TMEM223: variants seen among roughly 807,000 people sequenced by gnomAD.
TMEM223 encodes transmembrane protein 223.
A neutral mutation model predicts 14.1 loss-of-function variants in TMEM223; 14 were observed. That is an observed-to-expected ratio of 0.99 (90% CI 0.66 to 1.55). The LOEUF (loss-of-function observed/expected upper bound fraction) is 1.55. Ranked by LOEUF, TMEM223 falls within the 40% of genes most tolerant of loss-of-function variation. TMEM223 has a pLI of 0.00. For missense variants in TMEM223, 346 were observed against 269.9 expected (o/e 1.28, Z -1.97); for synonymous variants, 145 against 120.5 (o/e 1.20, Z -1.33).
In TMEM223 at chr11:62,790,482, C is replaced by T; in HGVS notation, c.*141G>A. The stretch of plus-strand genomic sequence containing the variant: ...ATAGAGACAAGGTCTCGCTATGTTG[C>T]CCAGCCTGGGCTCGAGCAGTGCTCC... On this transcript the variant is annotated 3_prime_UTR_variant, in exon 2 of 2. Coordinates refer to ENST00000307366, the MANE Select transcript of TMEM223 (RefSeq NM_001080501.3). The T allele has an allele frequency of 1.4e-6, 1 of 735,486 alleles. No homozygotes were observed. Among genetic ancestry groups the T allele is most frequent in the Non-Finnish European group, 2.1e-6 (1 of 473,450 alleles). The allele number at this position is 735,486 out of a possible 1,614,324, so 45.6% of individuals were successfully genotyped here.
downstream of TMEM223, chr11:62,787,312 G>C (rs545500275): frequency 1.0e-5 from 16 of 1,528,734 alleles, no homozygotes; most frequent in African/African-American, 4.2e-5. Context: ...TGGCCCCTTC[G>C]TTCCTTGTAA....
At chr11:62,782,812 C>G, downstream of TMEM223, 1 of 1,614,052 alleles carries the variant, frequency 6.2e-7, no homozygotes, top group South Asian at 1.1e-5. Context: ...GGGCTGCATG[C>G]TCTTGGCTGG....
chr11:62,790,900 C>T lies in TMEM223; in HGVS notation c.332G>A (p.Gly111Asp), dbSNP rs1161405335. 1 of 1,587,806 alleles carries T rather than the reference C, an allele frequency of 6.3e-7. No individual in the cohort carries two copies. Among genetic ancestry groups the T allele is most frequent in the Non-Finnish European group, 8.6e-7 (1 of 1,163,454 alleles). The change falls in exon 2 of 2, where the codon GGT becomes GAT. Residue 111 changes from glycine to aspartate, a missense_variant. Transcript: ENST00000307366. ...CCGGAGAGAGAAGAGAAGACCAGCA[C>T]CGAGTACGAGGGCTCCTGCAGGCAG... ...GCGAIGALVL[G>D]AGLLFSLRSV...
rs777207617 is a variant in TMEM223, at chr11:62,791,808, C to T, written c.187G>A (p.Ala63Thr). 5 of 1,580,996 alleles carry T rather than the reference C, an allele frequency of 3.2e-6. No individual in the cohort carries two copies. The South Asian group carries it at 4.6e-5, about 15-fold the overall frequency. The change falls in exon 1 of 2, where the codon GCT becomes ACT. Residue 63 changes from alanine to threonine, a missense_variant. Ala to Thr is a moderately conservative substitution (Grantham distance 58, BLOSUM62 0). Transcript: ENST00000307366. ...AGQGVFWASM[A>T]VAAVSRPPVP... ...GGGGGCCGGGACACGGCTGCCACAG[C>T]CATGGAAGCCCAGAAGACGCCCTGG...
chr11:62,790,081 T>C lies in TMEM223; in HGVS notation c.*542A>G. 1.3e-6 allele frequency: 2 copies of C among 1,557,600 alleles called. No individual in the cohort carries two copies. The highest frequency in any genetic ancestry group is 1.7e-6 in the Non-Finnish European group (2 of 1,151,044). ...CGGAGTGCTTCCTGCAGCCGAAGAC[T>C]CCATGCCCAAGTGCCTGTAATCCCC... On this transcript the variant is annotated 3_prime_UTR_variant, in exon 2 of 2. Coordinates refer to ENST00000307366, the MANE Select transcript of TMEM223 (RefSeq NM_001080501.3).
Position 62,791,975 on chromosome 11 carries a change from C to T in TMEM223, c.20G>A (p.Arg7Gln), listed in dbSNP as rs532145780. The change falls in exon 1 of 2, where the codon CGA becomes CAA. Residue 7 changes from arginine to glutamine, a missense_variant. By Grantham distance (43) the Arg-to-Gln change is conservative. Transcript: ENST00000307366. MAAPWR[R>Q]WPTGLLAVLR... The stretch of plus-strand genomic sequence containing the variant: ...CACGGCTAGCAGCCCCGTGGGCCAT[C>T]GCCTCCAAGGCGCCGCCATGGCCAG... 3 of 1,555,902 alleles carry T rather than the reference C, an allele frequency of 1.9e-6. No homozygotes were observed. Among genetic ancestry groups the T allele is most frequent in the South Asian group, 1.2e-5 (1 of 85,560 alleles).
In TMEM223 at chr11:62,791,720, G is replaced by A. The variant is rs1362080156; in HGVS notation, c.275C>T (p.Ala92Val). Residue 92 changes from alanine (A) to valine (V), a missense_variant, in exon 1 of 2, where the codon GCG (alanine) becomes GTG (valine). Coordinates refer to ENST00000307366, the MANE Select transcript of TMEM223 (RefSeq NM_001080501.3). ...GACGGCCAGACCGTAGCGCCAGAGC[G>A]CGGAGCGCAGGTCGAAGGGGCCACG... Reference protein sequence around the residue: ...PNRGPFDLRSALWRYGLAVGC... With the variant: ...PNRGPFDLRSVLWRYGLAVGC... 1 of 1,552,488 alleles carries A rather than the reference G, an allele frequency of 6.4e-7. No individual in the cohort carries two copies. The highest frequency in any genetic ancestry group is 8.7e-7 in the Non-Finnish European group (1 of 1,147,992).
downstream of TMEM223, chr11:62,771,530 C>A: frequency 6.3e-6 from 1 of 158,988 alleles, no homozygotes; most frequent in South Asian, 1.5e-4. Flanking sequence ...TCCCCATTCC[C>A]GACGCCGACT....
intron 1 of TMEM223, chr11:62,775,561 C>G: frequency 1.9e-6 from 1 of 534,272 alleles, no homozygotes; most frequent in South Asian, 2.5e-5. Context: ...AACCCCAACA[C>G]TTTGGACTTT....
chr11:62,779,968 ATATATATAT>A (rs1254446146), intron 1 of TMEM223, among the ~76,000 whole-genome samples: 7 of 66,640 alleles, frequency 1.1e-4, no homozygotes, highest in African/African-American at 3.1e-4. Flanking sequence ...ATATATATAT[ATATATATAT>A]TTTTTTTTTT....
chr11:62,776,324 G>A, intron 1 of TMEM223: 1 of 1,564,590 alleles, frequency 6.4e-7, no homozygotes, highest in Admixed American at 1.7e-5. Flanking sequence ...CTTCATTTGG[G>A]GTTTCCCATG....
At chr11:62,776,044 G>A (rs1046454281) in intron 1 of TMEM223, 2 of 1,327,478 alleles carry the variant, frequency 1.5e-6, no homozygotes, top group African/African-American at 3.0e-5. Flanking sequence ...CCATACAACA[G>A]AGACAGTCCA....
chr11:62,771,425 GCGCCGC>G (rs950392637), downstream of TMEM223: 4 of 157,690 alleles, frequency 2.5e-5, no homozygotes, highest in Admixed American at 6.5e-5. Flanking sequence ...TCGTGAGTGG[GCGCCGC>G]CGCCACCGCC....
rs563277133 is a variant in TMEM223, at chr11:62,791,970, G to C, written c.25C>G (p.Pro9Ala). 19 of 1,562,176 alleles carry C rather than the reference G, an allele frequency of 1.2e-5. No individual in the cohort carries two copies. The highest frequency in any genetic ancestry group is 2.1e-4 in the Middle Eastern group (1 of 4,846). MAAPWRRW[P>A]TGLLAVLRPL... is the part of the protein sequence containing the mutation. ...CGCAGCACGGCTAGCAGCCCCGTGGGCCATCGCCTCCAAGGCGCCGCCATG... is the reference window on the plus strand; with the variant it reads ...CGCAGCACGGCTAGCAGCCCCGTGGCCCATCGCCTCCAAGGCGCCGCCATG... The change falls in exon 1 of 2, where the codon CCC becomes GCC. Residue 9 changes from proline to alanine, a missense_variant. Pro to Ala is a conservative substitution (Grantham distance 27). Transcript: ENST00000307366.
downstream of TMEM223, among the ~76,000 whole-genome samples, chr11:62,784,858 G>A (rs182224407): frequency 8.5e-5 from 13 of 152,200 alleles, no homozygotes; most frequent in Admixed American, 8.5e-4. Flanking sequence ...TTTTAAAAGG[G>A]TTTATATTCA....
chr11:62,775,858 C>A (rs749912808), intron 1 of TMEM223: 5 of 1,613,712 alleles, frequency 3.1e-6, no homozygotes, highest in Non-Finnish European at 4.2e-6. Flanking sequence ...AGAGCACGGG[C>A]CTGGAGCTGA....
At chr11:62,778,038 C>A (rs530031992) in intron 1 of TMEM223, 37 of 1,614,164 alleles carry the variant, frequency 2.3e-5, no homozygotes, top group Non-Finnish European at 3.1e-5. Flanking sequence ...GGAGGGTGAA[C>A]TCTACTTTCC....
chr11:62,773,449 T>A (rs939962480), intron 2 of TMEM223, among the ~76,000 whole-genome samples: 1 of 131,176 alleles, frequency 7.6e-6, no homozygotes, highest in Admixed American at 7.6e-5. Flanking sequence ...CGGCCTACAA[T>A]TTTTTTTTTT....
chr11:62,778,288 A>G (rs555170800), intron 1 of TMEM223: 3 of 1,614,172 alleles, frequency 1.9e-6, no homozygotes, highest in East Asian at 2.2e-5. Context: ...CTTCTAGTTC[A>G]TGTCTCCTAC....
Sources: allele counts gnomAD v4.1 joint callset (sites outside exome capture counted in the v4.1 genomes callset), GRCh38; gene constraint gnomAD v4.1.1; transcripts MANE v1.5; gene names NCBI Gene and HGNC (gene_info 2026-07-23, HGNC 2026-07-21).